The following FOCAD variants were observed in gnomAD, a reference collection of about 807,000 sequenced individuals.
FOCAD encodes the protein KIAA1797.
FOCAD carries 198 observed loss-of-function variants against 225.6 expected under a neutral mutation model. That is an observed-to-expected ratio of 0.88 (90% CI 0.78 to 0.99). The LOEUF is 0.99. FOCAD is among the 50% of genes least tolerant of loss of function. The pLI, the probability that FOCAD is intolerant of heterozygous loss-of-function variation, is 0.00. For synonymous variants in FOCAD, 897 were observed against 755.0 expected (o/e 1.19, Z -3.08); for missense variants, 2,713 against 2,123.6 (o/e 1.28, Z -5.46).
intron 39 of FOCAD, among the ~76,000 whole-genome samples, chr9:20,983,444 C>G (rs551495630): frequency 6.6e-6 from 1 of 151,954 alleles, no homozygotes; most frequent in African/African-American, 2.4e-5. Context: ...TAGTGGCACA[C>G]ACCTGTAGTC....
intron 2 of FOCAD, among the ~76,000 whole-genome samples, chr9:20,671,057 T>C (rs1417506578): frequency 1.3e-5 from 2 of 152,232 alleles, no homozygotes; most frequent in African/African-American, 4.8e-5. Flanking sequence ...TTTTTAGTCT[T>C]ATATTTTATT....
intron 43 of FOCAD, among the ~76,000 whole-genome samples, chr9:20,994,127 G>A (rs779309522): frequency 1.1e-4 from 16 of 152,132 alleles, no homozygotes; most frequent in Non-Finnish European, 1.8e-4. Context: ...GGCTTTATAA[G>A]TAGTGTTTTT....
intron 15 of FOCAD, among the ~76,000 whole-genome samples, chr9:20,858,934 T>C (rs1049600882): frequency 6.6e-6 from 1 of 152,238 alleles, no homozygotes; most frequent in Non-Finnish European, 1.5e-5. Flanking sequence ...TATTCCATTG[T>C]GGTCAGGAAA....
At chr9:20,912,838 A>C (rs1353716034) in intron 22 of FOCAD, 28 bp from the exon 23 acceptor site, 11 of 1,584,672 alleles carry the variant, frequency 6.9e-6, no homozygotes, top group Non-Finnish European at 9.5e-6. Context: ...TCGAGTTCAC[A>C]TGCTGATTTA....
At chr9:20,691,476 A>T (rs978081473) in intron 1 of FOCAD, among the ~76,000 whole-genome samples, 2 of 151,218 alleles carry the variant, frequency 1.3e-5, no homozygotes, top group African/African-American at 2.4e-5. Flanking sequence ...TTAATTAATT[A>T]ATTTTATTTT....
rs1183948444 is a variant in FOCAD, at chr9:20,720,388, T to G, written c.141T>G (p.Ala47=). ...CACTGGTTTGGTTTCAGACTCCTGCTTTGAACTTGCTGTGGGAGAAGTGTT... is the reference window on the plus strand; with the variant it reads ...CACTGGTTTGGTTTCAGACTCCTGCGTTGAACTTGCTGTGGGAGAAGTGTT... ...KIHQSTNQTP[A]LNLLWEKCCS... Residue 47 remains alanine, a synonymous_variant, in exon 4 of 44, where the codon GCT becomes GCG. Coordinates refer to ENST00000338382, the MANE Select transcript of FOCAD (RefSeq NM_001375567.1). 1.2e-6 allele frequency: 2 copies of G among 1,613,904 alleles called. No homozygotes were observed. Among genetic ancestry groups the G allele is most frequent in the African/African-American group, 2.7e-5 (2 of 74,912 alleles).
At chr9:20,963,691 A>C (rs972452192) in intron 35 of FOCAD, among the ~76,000 whole-genome samples, 22 of 152,232 alleles carry the variant, frequency 1.4e-4, no homozygotes, top group African/African-American at 4.6e-4. Flanking sequence ...ATCATGTGCT[A>C]AGAAAACCCC....
chr9:20,966,374 A>T (rs1309336125), intron 35 of FOCAD, among the ~76,000 whole-genome samples: 3 of 152,104 alleles, frequency 2.0e-5, no homozygotes, highest in African/African-American at 4.8e-5. Context: ...TTTAAAAAAA[A>T]AATAAATTGC....
intron 22 of FOCAD, among the ~76,000 whole-genome samples, chr9:20,908,871 A>G (rs1034060571): frequency 1.3e-5 from 2 of 152,044 alleles, no homozygotes; most frequent in African/African-American, 4.8e-5. Context: ...GGGAGGTCCC[A>G]TGCTAAGTGT....
At chr9:20,799,350 A>T (rs1821516388) in intron 11 of FOCAD, among the ~76,000 whole-genome samples, 1 of 152,148 alleles carries the variant, frequency 6.6e-6, no homozygotes, top group Admixed American at 6.5e-5. Context: ...ATTTCTGTAG[A>T]TGTCTATTAG....
At chr9:20,795,654 G>A (rs1487045413) in intron 11 of FOCAD, among the ~76,000 whole-genome samples, 1 of 151,568 alleles carries the variant, frequency 6.6e-6, no homozygotes, top group Non-Finnish European at 1.5e-5. Context: ...CGTGGTGGCG[G>A]GTGCCTGTAG....
chr9:20,856,480 T>C (rs954526590), intron 15 of FOCAD, among the ~76,000 whole-genome samples: 6 of 152,172 alleles, frequency 3.9e-5, no homozygotes, highest in African/African-American at 1.4e-4. Flanking sequence ...ATTTTTATTC[T>C]AGTTATTAAT....
chr9:20,923,710 C>T lies in FOCAD; in HGVS notation c.2903C>T (p.Ala968Val). ...GNALLALSSL[A>V]VVVSRHEASL... ...GCGCTGTTAGCTCTAAGCAGCCTTG[C>T]TGTCGTCGTATCTAGACATGAAGCC... The change falls in exon 25 of 44, where the codon GCT becomes GTT. Residue 968 changes from alanine to valine, a missense_variant. Physicochemically the swap from Ala to Val is moderately conservative, Grantham distance 64. Coordinates refer to ENST00000338382, the MANE Select transcript of FOCAD (RefSeq NM_001375567.1). 1 of 1,614,104 alleles carries T rather than the reference C, an allele frequency of 6.2e-7. No homozygotes were observed. Among genetic ancestry groups the T allele is most frequent in the Non-Finnish European group, 8.5e-7 (1 of 1,179,968 alleles).
intron 11 of FOCAD, among the ~76,000 whole-genome samples, chr9:20,815,123 GTTTTTTTTTTTTTGT>G (rs1366091084): frequency 0.01 from 878 of 85,384 alleles, 17 homozygotes; most frequent in African/African-American, 0.036. Context: ...ACTTCTCTTT[GTTTTTTTTTTTTTGT>G]TTTTTTTTTT....
chr9:20,770,889 G>A (rs374752251), intron 8 of FOCAD, among the ~76,000 whole-genome samples: 2 of 151,962 alleles, frequency 1.3e-5, no homozygotes, highest in African/African-American at 4.8e-5. Context: ...ATTTATTCAT[G>A]CAGAACATAT....
intron 42 of FOCAD, among the ~76,000 whole-genome samples, chr9:20,993,023 G>C (rs1191590531): frequency 6.6e-6 from 1 of 151,698 alleles, no homozygotes; most frequent in Non-Finnish European, 1.5e-5. Context: ...GTTTGACTTT[G>C]CCAGGTCATT....
intron 21 of FOCAD, among the ~76,000 whole-genome samples, chr9:20,896,529 A>G (rs1217477776): frequency 6.6e-6 from 1 of 151,858 alleles, no homozygotes; most frequent in Non-Finnish European, 1.5e-5. Context: ...TGTCAATTCA[A>G]TTTCTTTAAT....
rs779066231 is a variant in FOCAD at position 20,770,124 on chromosome 9, G to C, written c.792G>C (p.Gln264His). The C allele has an allele frequency of 6.2e-7, 1 of 1,614,108 alleles. No homozygotes were observed. The highest frequency in any genetic ancestry group is 8.5e-7 in the Non-Finnish European group (1 of 1,179,986). ...GTCATCCTGTTTTCTGGAAAATTCAGCTTACCCAGATGAGTCTTCAGCTGC... is the reference window on the plus strand; with the variant it reads ...GTCATCCTGTTTTCTGGAAAATTCACCTTACCCAGATGAGTCTTCAGCTGC... ...LLRHPVFWKIQLTQMSLQLLC... is the reference protein window; with the variant it reads ...LLRHPVFWKIHLTQMSLQLLC... Residue 264 changes from glutamine to histidine, a missense_variant, in exon 8 of 44, where the codon CAG becomes CAC. Transcript: ENST00000338382.
chr9:20,962,409 TACAC>T (rs993569522), intron 35 of FOCAD, among the ~76,000 whole-genome samples: 1 of 129,882 alleles, frequency 7.7e-6, no homozygotes, highest in Admixed American at 8.0e-5. Context: ...AATATATATA[TACAC>T]ACACACATAC....
Sources: gnomAD v4.1 joint callset for allele counts (sites outside exome capture counted in the v4.1 genomes callset) on GRCh38, gnomAD v4.1.1 for gene constraint, MANE v1.5 for transcripts, NCBI Gene and HGNC (gene_info 2026-07-23, HGNC 2026-07-21) for gene names.